FAM3B: variants seen among roughly 807,000 people sequenced by gnomAD.
The protein encoded by FAM3B is protein FAM3B.
In FAM3B, 29 loss-of-function variants were observed where a neutral mutation model predicts 28.4. The ratio of observed to expected loss-of-function variants is 1.02; its 90% CI spans 0.76 to 1.39. The LOEUF (loss-of-function observed/expected upper bound fraction) is 1.39. FAM3B is among the 40% of genes most tolerant of loss of function. The pLI, the probability that FAM3B is intolerant of heterozygous loss-of-function variation, is 0.00. For missense variants in FAM3B, 266 were observed against 293.9 expected (o/e 0.91, Z 0.69); for synonymous variants, 91 against 103.0 (o/e 0.88, Z 0.71).
At chr21:41,304,813 C>T (rs961232051) in intron 1 of FAM3B, among the ~76,000 whole-genome samples, 21 of 152,154 alleles carry the variant, frequency 1.4e-4, no homozygotes, top group African/African-American at 4.8e-5. Flanking sequence ...CCAGTAGGAA[C>T]GTTCCCTGGG....
intron 7 of FAM3B, among the ~76,000 whole-genome samples, chr21:41,350,610 T>TCCCCAAAA (rs2089109237): frequency 6.6e-6 from 1 of 152,148 alleles, no homozygotes; most frequent in Admixed American, 6.5e-5. Context: ...AACTTGGGTC[T>TCCCCAAAA]CCCCAAAAAC....
At chr21:41,343,947 G>A (rs545745930) in intron 3 of FAM3B, among the ~76,000 whole-genome samples, 7 of 152,206 alleles carry the variant, frequency 4.6e-5, no homozygotes, top group East Asian at 1.9e-4. Context: ...GCAAAACTCC[G>A]TCTCTACAAA....
chr21:41,345,635 C>T (rs747239735), intron 4 of FAM3B, 51 bp from the exon 5 acceptor site: 22 of 1,126,748 alleles, frequency 2.0e-5, no homozygotes, highest in East Asian at 1.3e-4. Context: ...GCCACAAGTG[C>T]GCCCTAGTTC....
intron 1 of FAM3B, among the ~76,000 whole-genome samples, chr21:41,311,254 ATATATATATATATAT>A (rs1568908559): frequency 0.03 from 856 of 28,208 alleles, 60 homozygotes; most frequent in Middle Eastern, 0.079. Flanking sequence ...AAAAAAAAAT[ATATATATATATATAT>A]ATATATATAT....
At chr21:41,316,662 GCCCGGGGCACA>G, upstream of FAM3B, 1 of 315,348 alleles carries the variant, frequency 3.2e-6, no homozygotes, top group Non-Finnish European at 5.7e-6. Context: ...CCCGGGCACA[GCCCGGGGCACA>G]GCCCCGCGCA....
upstream of FAM3B, among the ~76,000 whole-genome samples, chr21:41,315,997 A>G (rs1210810516): frequency 3.9e-5 from 6 of 152,162 alleles, no homozygotes; most frequent in Non-Finnish European, 5.9e-5. Flanking sequence ...CTTCTGCAAA[A>G]GTGACCAACT....
intron 7 of FAM3B, 104 bp downstream of exon 7, chr21:41,348,828 G>A: frequency 7.8e-7 from 1 of 1,286,516 alleles, no homozygotes; most frequent in Admixed American, 1.9e-5. Flanking sequence ...AAACATAAGA[G>A]TTGTGTCAGC....
rs776401309 is a variant in FAM3B, at chr21:41,322,923, G to T, written c.20G>T (p.Gly7Val). The stretch of plus-strand genomic sequence containing the variant: ...CAGCTGCTTGGTGTCCTCTCTGCAG[G>T]CCTGCTCAAGGTGGTGTTCGTGGTC... Reference protein sequence around the residue: MRPLAGGLLKVVFVVFA... With the variant: MRPLAGVLLKVVFVVFA... The change falls in exon 2 of 8, where the codon GGC becomes GTC. Residue 7 changes from glycine to valine, a missense_variant and splice_region_variant. By Grantham distance (109) the Gly-to-Val change is moderately radical (BLOSUM62 -3). Coordinates refer to ENST00000357985, the MANE Select transcript of FAM3B (RefSeq NM_058186.4). The T allele has an allele frequency of 1.9e-6, 3 of 1,614,010 alleles. No homozygotes were observed. The highest frequency in any genetic ancestry group is 2.5e-6 in the Non-Finnish European group (3 of 1,180,034).
In FAM3B at chr21:41,351,709, A is replaced by T. The variant is rs190939121; in HGVS notation, c.618+2985A>T. Among the ~76,000 whole-genome samples, 533 of 152,330 alleles carry T rather than the reference A, an allele frequency of 3.5e-3. 5 individuals carry two copies. The highest frequency in any genetic ancestry group is 6.6e-3 in the Admixed American group (101 of 15,296). On this transcript the variant is annotated intron_variant, in intron 7 of 7. Coordinates refer to ENST00000357985, the MANE Select transcript of FAM3B (RefSeq NM_058186.4). ...TCACTCCCACTCCACCTGCTATTCC[A>T]GGAGTCAGCTTTCTAGGCACAGCGC... is the stretch of plus-strand genomic sequence containing the variant.
chr21:41,350,682 C>T (rs570483545), intron 7 of FAM3B, among the ~76,000 whole-genome samples: 17 of 152,350 alleles, frequency 1.1e-4, no homozygotes, highest in African/African-American at 4.1e-4. Context: ...GGGGCCTGGC[C>T]TGGAGATTCT....
rs2088711526 is a variant in FAM3B, at chr21:41,311,254, ATATATATATATATATATAT to A, written n.99+6945_99+6963del. Among the ~76,000 whole-genome samples the A allele has an allele frequency of 2.3e-3, 66 of 28,238 alleles. 3 individuals are homozygous for A. The highest frequency in any genetic ancestry group is 5.2e-3 in the East Asian group (3 of 572). The allele number at this position is 28,238 out of a possible 152,430, so 18.5% of individuals were successfully genotyped here. ...GTCTCTACAAAAAAAAAAAAAAAAT[ATATATATATATATATATAT>A]ATATATATATATATATATATATATG... is the stretch of plus-strand genomic sequence containing the variant. On this transcript the variant is annotated intron_variant and non_coding_transcript_variant, in intron 1 of 9. Coordinates refer to the FAM3B transcript ENST00000479810.
At chr21:41,337,107 T>C (rs1269721241) in intron 2 of FAM3B, among the ~76,000 whole-genome samples, 1 of 152,254 alleles carries the variant, frequency 6.6e-6, no homozygotes, top group Non-Finnish European at 1.5e-5. Context: ...TTCCTTTGAT[T>C]CTTTACTTGT....
chr21:41,306,738 G>C (rs1161981168), intron 1 of FAM3B, among the ~76,000 whole-genome samples: 2 of 152,200 alleles, frequency 1.3e-5, no homozygotes. Context: ...ACAGACAGTA[G>C]ATGTAGCATA....
chr21:41,314,309 T>C (rs929536579), upstream of FAM3B, among the ~76,000 whole-genome samples: 1 of 152,180 alleles, frequency 6.6e-6, no homozygotes, highest in African/African-American at 2.4e-5. Context: ...TCCAGAACTG[T>C]GAGAAATAAA....
Position 41,334,393 on chromosome 21 carries a change from C to T in FAM3B, c.164-3985C>T, listed in dbSNP as rs567690016. On this transcript the variant is annotated intron_variant, in intron 2 of 7. Transcript: ENST00000357985. ...AATACAGAATGGTTTCATGGGTCAG[C>T]CCCAGGGCCCCACTAACCTGTTCAG... 1.7e-3 allele frequency among the ~76,000 whole-genome samples: 253 copies of T among 152,274 alleles called. 2 individuals are homozygous for T. The highest frequency in any genetic ancestry group is 5.8e-3 in the African/African-American group (239 of 41,542).
chr21:41,342,181 G>T (rs28478227), intron 3 of FAM3B, among the ~76,000 whole-genome samples: 10,956 of 152,192 alleles, frequency 0.072, 493 homozygotes, highest in African/African-American at 0.11. Flanking sequence ...CTGTCTTCTA[G>T]GTTCTATATT....
intron 1 of FAM3B, among the ~76,000 whole-genome samples, chr21:41,306,089 A>G (rs576426133): frequency 6.6e-6 from 1 of 152,286 alleles, no homozygotes; most frequent in South Asian, 2.1e-4. Context: ...ATCTCAAGAA[A>G]CCACCCATTT....
intron 1 of FAM3B, chr21:41,320,043 G>A (rs959830224): frequency 4.6e-5 from 7 of 152,106 alleles, no homozygotes; most frequent in African/African-American, 1.7e-4. Flanking sequence ...CACAAGCCAA[G>A]GAGAGAGGCT....
chr21:41,346,886 A>G lies in FAM3B; in HGVS notation c.398-127A>G, dbSNP rs969441401. 3 of 792,132 alleles carry G rather than the reference A, an allele frequency of 3.8e-6. 1 individual carries two copies. Among genetic ancestry groups the G allele is most frequent in the Non-Finnish European group, 6.6e-6 (3 of 451,482 alleles). The allele number at this position is 792,132 out of a possible 1,614,324, so 49.1% of individuals were successfully genotyped here. ...TAGCACACCATCTGCAGGGTTGAGC[A>G]GCGAGCGCTGGGACCCCCAAGGATT... On this transcript the variant is annotated intron_variant, in intron 5 of 7. Coordinates refer to ENST00000357985, the MANE Select transcript of FAM3B (RefSeq NM_058186.4).
Sources: allele counts gnomAD v4.1 joint callset (sites outside exome capture counted in the v4.1 genomes callset), GRCh38; gene constraint gnomAD v4.1.1; transcripts MANE v1.5; gene names NCBI Gene and HGNC (gene_info 2026-07-23, HGNC 2026-07-21).